FAM120B: variants seen among roughly 807,000 people sequenced by gnomAD.
FAM120B encodes the protein constitutive coactivator of peroxisome proliferator-activated receptor gamma.
A neutral mutation model predicts 96.3 loss-of-function variants in FAM120B; 83 were observed. The ratio of observed to expected loss-of-function variants is 0.86; its 90% CI spans 0.72 to 1.03. The LOEUF (loss-of-function observed/expected upper bound fraction) is 1.03. Ranked by LOEUF, FAM120B falls within the 50% of genes least tolerant of loss-of-function variation. The pLI is 0.00. For missense variants in FAM120B, 1,027 were observed against 1,121.2 expected, an observed-to-expected ratio of 0.92 and a Z score of 1.20; for synonymous variants, 407 against 402.7, an observed-to-expected ratio of 1.01 and a Z score of -0.13.
At chr6:170,360,328 C>CTGTT (rs1562565556) in intron 6 of FAM120B, among the ~76,000 whole-genome samples, 1 of 152,202 alleles carries the variant, frequency 6.6e-6, no homozygotes, top group Non-Finnish European at 1.5e-5. Context: ...AGAAGGTGTA[C>CTGTT]TGTTCTTCGT....
intron 5 of FAM120B, among the ~76,000 whole-genome samples, chr6:170,349,794 A>G (rs1415094848): frequency 6.6e-6 from 1 of 152,192 alleles, no homozygotes; most frequent in African/African-American, 2.4e-5. Context: ...TGAATTCAGC[A>G]CCTTCAACTG....
chr6:170,330,360 T>C, intron 3 of FAM120B, 89 bp from the exon 4 acceptor site: 1 of 918,124 alleles, frequency 1.1e-6, no homozygotes. Context: ...ACCTTTGAAT[T>C]GGCCACCTGG....
Position 170,348,157 on chromosome 6 carries a change from C to T in FAM120B, c.2024C>T (p.Thr675Met), listed in dbSNP as rs144125831. 5.6e-5 allele frequency: 90 copies of T among 1,612,810 alleles called. No individual in the cohort carries two copies. The highest frequency in any genetic ancestry group is 2.2e-4 in the East Asian group (10 of 44,842). The stretch of plus-strand genomic sequence containing the variant: ...GACTTTTTTTCTTAACTAGGGGGAA[C>T]GCCTAGTTTGAAAATATTATGGCTG... Reference protein sequence around the residue: ...RPLQMTIPGGTPSLKILWLNQ... With the variant: ...RPLQMTIPGGMPSLKILWLNQ... The change falls in exon 5 of 11, where the codon ACG becomes ATG. Residue 675 changes from threonine (T) to methionine (M), a missense_variant. By Grantham distance (81) the Thr-to-Met change is moderately conservative. Transcript: ENST00000476287.
chr6:170,384,967 A>G (rs1790109798), intron 6 of FAM120B, among the ~76,000 whole-genome samples: 1 of 152,212 alleles, frequency 6.6e-6, no homozygotes, highest in African/African-American at 2.4e-5. Flanking sequence ...GAATTGTTGA[A>G]CACATTTTGA....
chr6:170,359,348 G>A (rs572403907), intron 6 of FAM120B, among the ~76,000 whole-genome samples: 17 of 151,258 alleles, frequency 1.1e-4, no homozygotes, highest in South Asian at 4.2e-4. Context: ...AGCTGAGATC[G>A]TGCCATTGCA....
At chr6:170,364,924 C>T (rs990025038) in intron 6 of FAM120B, among the ~76,000 whole-genome samples, 3 of 152,206 alleles carry the variant, frequency 2.0e-5, no homozygotes, top group African/African-American at 7.2e-5. Flanking sequence ...CCCTTTCGTA[C>T]ATGTTCATAT....
At chr6:170,360,970 A>T (rs1271076302) in intron 6 of FAM120B, among the ~76,000 whole-genome samples, 1 of 151,732 alleles carries the variant, frequency 6.6e-6, no homozygotes, top group Non-Finnish European at 1.5e-5. Flanking sequence ...TGACTGCTTC[A>T]CGTTGCAGTC....
At chr6:170,320,201 A>G (rs1785196513) in intron 2 of FAM120B, among the ~76,000 whole-genome samples, 1 of 152,140 alleles carries the variant, frequency 6.6e-6, no homozygotes. Context: ...TCTAGTTACA[A>G]CTACATAGAT....
Position 170,381,055 on chromosome 6 carries a change from A to T in FAM120B, c.2284-7232A>T, listed in dbSNP as rs16901360. ...ATAAAGCTATTTGAAGGTATCAGTG[A>T]ACTGAAAAGGTAATAAAGAAGTCCC... On this transcript the variant is annotated intron_variant, in intron 6 of 10. Transcript: ENST00000476287. Among the ~76,000 whole-genome samples the T allele has an allele frequency of 0.049, 7,489 of 152,280 alleles. 1,061 individuals are homozygous for T. In the East Asian group the frequency reaches 0.57, roughly 12 times the overall value.
At chr6:170,361,954 C>T (rs755293556) in intron 6 of FAM120B, among the ~76,000 whole-genome samples, 14 of 151,920 alleles carry the variant, frequency 9.2e-5, no homozygotes, top group Admixed American at 2.6e-4. Context: ...CCACCACACC[C>T]GGCTAATTTT....
intron 4 of FAM120B, among the ~76,000 whole-genome samples, chr6:170,331,162 G>A (rs1273881496): frequency 6.6e-6 from 1 of 152,210 alleles, no homozygotes; most frequent in Non-Finnish European, 1.5e-5. Flanking sequence ...TGAGTTCGTA[G>A]TATCTGAAAC....
Position 170,317,496 on chromosome 6 carries a change from G to T in FAM120B, c.106G>T (p.Gly36Ter). Residue 36 changes from glycine to a stop codon, truncating the protein, a stop_gained, in exon 2 of 11, where the codon GGA becomes TGA. Transcript: ENST00000476287. LOFTEE classifies it high-confidence loss of function. ...LAEHHRSKYP[G>*]CTPTIVVDAM... ...AGAGCACCACCGAAGCAAGTATCCT[G>T]GATGTACCCCTACCATTGTGGTTGA... 1 of 1,614,190 alleles carries T rather than the reference G, an allele frequency of 6.2e-7. No individual in the cohort carries two copies.
At chr6:170,342,664 G>A (rs933314920) in intron 4 of FAM120B, among the ~76,000 whole-genome samples, 28 of 152,254 alleles carry the variant, frequency 1.8e-4, no homozygotes, top group African/African-American at 6.3e-4. Context: ...CCTGGGGCTC[G>A]GTCCCTCCTG....
chr6:170,309,627 A>C (rs1294526844), intron 1 of FAM120B, among the ~76,000 whole-genome samples: 1 of 152,264 alleles, frequency 6.6e-6, no homozygotes, highest in East Asian at 1.9e-4. Context: ...AAAAGTGGGC[A>C]GTGTTAATAC....
intron 1 of FAM120B, among the ~76,000 whole-genome samples, chr6:170,310,656 G>C (rs1259230327): frequency 6.6e-6 from 1 of 152,214 alleles, no homozygotes; most frequent in Non-Finnish European, 1.5e-5. Context: ...TTTGACTTAA[G>C]AGGCTGCACA....
At chr6:170,325,563 G>A (rs1323659578) in intron 3 of FAM120B, among the ~76,000 whole-genome samples, 5 of 151,138 alleles carry the variant, frequency 3.3e-5, no homozygotes, top group East Asian at 1.9e-4. Flanking sequence ...GTAGTTGGCC[G>A]GGCACGGTAG....
At chr6:170,357,683 G>A (rs1490409187) in intron 5 of FAM120B, among the ~76,000 whole-genome samples, 1 of 152,210 alleles carries the variant, frequency 6.6e-6, no homozygotes, top group Admixed American at 6.5e-5. Context: ...TGTCCCAAAC[G>A]TGATCAACTG....
chr6:170,380,050 T>C (rs754799005), intron 6 of FAM120B, among the ~76,000 whole-genome samples: 53 of 152,224 alleles, frequency 3.5e-4, no homozygotes, highest in Non-Finnish European at 3.1e-4. Flanking sequence ...CGTCTGTTTA[T>C]ATGTATTTGG....
At chr6:170,379,025 C>G (rs938982180) in intron 6 of FAM120B, among the ~76,000 whole-genome samples, 1 of 152,188 alleles carries the variant, frequency 6.6e-6, no homozygotes, top group Non-Finnish European at 1.5e-5. Context: ...AGGGGTTTCT[C>G]TGGCGTTTAT....
Sources: allele counts gnomAD v4.1 joint callset (sites outside exome capture counted in the v4.1 genomes callset), GRCh38; gene constraint gnomAD v4.1.1; transcripts MANE v1.5; gene names NCBI Gene and HGNC (gene_info 2026-07-23, HGNC 2026-07-21).